KLF8: variants seen among roughly 807,000 people sequenced by gnomAD.
KLF8 encodes KLF transcription factor 8.
Under a neutral mutation model 18.2 loss-of-function variants are expected in KLF8, and 10 were observed. That is an observed-to-expected ratio of 0.55 (90% confidence interval 0.34 to 0.93). KLF8 has a LOEUF of 0.93. Ranked by LOEUF, KLF8 falls within the 40% of genes least tolerant of loss-of-function variation. KLF8 has a pLI of 0.02. For missense variants in KLF8, 264 were observed against 277.9 expected, an observed-to-expected ratio of 0.95 and a Z score of 0.36; for synonymous variants, 109 against 97.3, an observed-to-expected ratio of 1.12 and a Z score of -0.71.
At chrX:55,948,076 C>T in the KLF8 span, among the ~76,000 whole-genome samples, 1 of 111,787 alleles carries the variant, frequency 8.9e-6, no homozygotes, top group African/African-American at 3.3e-5. Context: ...AGCTCATATG[C>T]CAGCAAATAA....
the KLF8 span, among the ~76,000 whole-genome samples, chrX:55,967,755 C>T: frequency 9.0e-6 from 1 of 111,389 alleles, no homozygotes; most frequent in African/African-American, 3.3e-5. Context: ...ACTACACTTA[C>T]CTTAAATAGA....
chrX:56,090,609 G>A, the KLF8 span, among the ~76,000 whole-genome samples: 1 of 111,641 alleles, frequency 9.0e-6, no homozygotes, highest in South Asian at 3.7e-4. Flanking sequence ...GCCATAGTAT[G>A]TCTTTTTTTG....
intron 4 of KLF8, among the ~76,000 whole-genome samples, 156 bp from the exon 5 acceptor site, chrX:56,270,026 G>A (rs1440832526): frequency 1.8e-5 from 2 of 111,315 alleles, no homozygotes; most frequent in East Asian, 5.7e-4. Flanking sequence ...TGACAGAATT[G>A]TTTTTACTAT....
At chrX:56,272,820 T>C (rs1384619698) in intron 5 of KLF8, among the ~76,000 whole-genome samples, 1 of 111,371 alleles carries the variant, frequency 9.0e-6, no homozygotes, top group Non-Finnish European at 1.9e-5. Context: ...TAAATAAGAT[T>C]ATATAACATC....
the KLF8 span, among the ~76,000 whole-genome samples, chrX:56,107,549 A>T: frequency 8.9e-6 from 1 of 111,878 alleles, no homozygotes; most frequent in Non-Finnish European, 1.9e-5. Flanking sequence ...GAATCGCCTG[A>T]TCTGCGGGTT....
chrX:55,929,334 GA>G, the KLF8 span, among the ~76,000 whole-genome samples: 1 of 112,082 alleles, frequency 8.9e-6, no homozygotes, highest in African/African-American at 3.2e-5. Context: ...TCACTCTGAT[GA>G]TAGTTTCTTT....
chrX:56,131,649 G>C, the KLF8 span, among the ~76,000 whole-genome samples: 1 of 111,654 alleles, frequency 9.0e-6, no homozygotes, highest in East Asian at 2.8e-4. Flanking sequence ...TACTAAAGTT[G>C]AATGTAAATG....
the KLF8 span, among the ~76,000 whole-genome samples, chrX:56,173,666 T>A: frequency 8.9e-6 from 1 of 112,058 alleles, no homozygotes; most frequent in Non-Finnish European, 1.9e-5. Flanking sequence ...GGGGATAGCA[T>A]TGAATCTATA....
At chrX:56,038,559 A>G in the KLF8 span, among the ~76,000 whole-genome samples, 1 of 112,524 alleles carries the variant, frequency 8.9e-6, no homozygotes, top group African/African-American at 3.2e-5. Context: ...ATTACCTTTT[A>G]TGGCTGCATA....
the KLF8 span, among the ~76,000 whole-genome samples, chrX:56,120,982 T>G: frequency 9.1e-6 from 1 of 110,137 alleles, no homozygotes; most frequent in South Asian, 3.9e-4. Context: ...GTCAGGAGAT[T>G]GAGACCATCC....
chrX:56,182,436 A>T, the KLF8 span, among the ~76,000 whole-genome samples: 29 of 110,080 alleles, frequency 2.6e-4, no homozygotes, highest in African/African-American at 8.8e-4. Context: ...GGAGTTTGTT[A>T]TTGCTGATCT....
chrX:56,022,506 G>A, the KLF8 span, among the ~76,000 whole-genome samples: 73 of 87,778 alleles, frequency 8.3e-4, no homozygotes, highest in Non-Finnish European at 1.2e-3. Flanking sequence ...CCGAGATCGC[G>A]CCACTACACT....
the KLF8 span, among the ~76,000 whole-genome samples, chrX:55,951,473 C>T: frequency 4.2e-5 from 4 of 95,096 alleles, no homozygotes; most frequent in Non-Finnish European, 6.2e-5. Flanking sequence ...AGCAAAACTC[C>T]GTCTCAAAAA....
intron 5 of KLF8, among the ~76,000 whole-genome samples, chrX:56,284,085 C>A (rs2067239804): frequency 8.9e-6 from 1 of 112,191 alleles, no homozygotes; most frequent in Non-Finnish European, 1.9e-5. Context: ...TTAATTAACT[C>A]GACTTAGCCA....
the KLF8 span, among the ~76,000 whole-genome samples, chrX:55,985,065 A>G: frequency 4.6e-4 from 51 of 110,330 alleles, no homozygotes; most frequent in Middle Eastern, 4.7e-3. Context: ...GTTTTCCCAT[A>G]CTGTAGATTG....
chrX:56,013,711 G>A, the KLF8 span, among the ~76,000 whole-genome samples: 1 of 111,327 alleles, frequency 9.0e-6, no homozygotes, highest in South Asian at 3.8e-4. Flanking sequence ...TCACTAGGCA[G>A]TCGTTCTTCT....
chrX:56,107,444 GC>G, the KLF8 span, among the ~76,000 whole-genome samples: 2 of 111,544 alleles, frequency 1.8e-5, no homozygotes, highest in Non-Finnish European at 3.8e-5. Flanking sequence ...CCCTCTCCTA[GC>G]CAGGCTGCAG....
the KLF8 span, among the ~76,000 whole-genome samples, chrX:56,017,944 G>A: frequency 3.9e-4 from 43 of 110,586 alleles, no homozygotes; most frequent in African/African-American, 1.3e-3. Flanking sequence ...ATATCTATAG[G>A]GTACATGTAA....
the KLF8 span, among the ~76,000 whole-genome samples, chrX:56,204,110 T>C: frequency 9.0e-6 from 1 of 111,589 alleles, no homozygotes; most frequent in African/African-American, 3.3e-5. Flanking sequence ...CATCAGTGTT[T>C]TACAGTTTTT....
Sources: allele counts gnomAD v4.1 joint callset (sites outside exome capture counted in the v4.1 genomes callset), GRCh38; gene constraint gnomAD v4.1.1; transcripts MANE v1.5; gene names NCBI Gene and HGNC (gene_info 2026-07-23, HGNC 2026-07-21).